SUGCT: variants seen among roughly 807,000 people sequenced by gnomAD.
SUGCT encodes succinyl-CoA:glutarate-CoA transferase, also known as succinyl-CoA:glutarate CoA-transferase.
A neutral mutation model predicts 55.0 loss-of-function variants in SUGCT; 41 were observed. The ratio of observed to expected loss-of-function variants is 0.74; its 90% CI spans 0.58 to 0.97. The LOEUF is 0.97. Among genes scored for constraint, SUGCT ranks in the 50% least tolerant of loss-of-function variants. The pLI, the probability that SUGCT is intolerant of heterozygous loss-of-function variation, is 0.00. For synonymous variants in SUGCT, 187 were observed against 200.4 expected, an observed-to-expected ratio of 0.93 and a Z score of 0.56; for missense variants, 568 against 547.8, an observed-to-expected ratio of 1.04 and a Z score of -0.37.
chr7:40,833,483 T>C (rs1792803626), intron 13 of SUGCT, among the ~76,000 whole-genome samples: 1 of 152,232 alleles, frequency 6.6e-6, no homozygotes, highest in African/African-American at 2.4e-5. Flanking sequence ...ATACACTTAT[T>C]AGTTAATTTG....
intron 7 of SUGCT, among the ~76,000 whole-genome samples, chr7:40,262,743 C>T (rs1352968525): frequency 2.0e-5 from 3 of 152,048 alleles, no homozygotes; most frequent in Non-Finnish European, 4.4e-5. Context: ...TTAACTCACA[C>T]ATTTAAAATT....
intron 4 of SUGCT, 62 bp downstream of exon 4, chr7:40,188,642 G>A: frequency 9.8e-7 from 1 of 1,019,740 alleles, no homozygotes; most frequent in Non-Finnish European, 1.4e-6. Flanking sequence ...CAAAACTGTT[G>A]ATATCATTGT....
At chr7:40,837,427 A>G (rs1372317908) in intron 13 of SUGCT, among the ~76,000 whole-genome samples, 1 of 152,104 alleles carries the variant, frequency 6.6e-6, no homozygotes, top group Non-Finnish European at 1.5e-5. Context: ...AATAGTTTCC[A>G]TTCTGATGAG....
intron 12 of SUGCT, among the ~76,000 whole-genome samples, chr7:40,623,077 C>T (rs1172720584): frequency 6.6e-6 from 1 of 152,156 alleles, no homozygotes; most frequent in Non-Finnish European, 1.5e-5. Context: ...CTCTCTGATG[C>T]TTGATAACAG....
intron 8 of SUGCT, among the ~76,000 whole-genome samples, chr7:40,292,084 A>G (rs935684335): frequency 2.0e-5 from 3 of 152,196 alleles, no homozygotes; most frequent in Non-Finnish European, 2.9e-5. Context: ...CGGGAAACCA[A>G]TTCACCACCT....
chr7:40,411,437 G>T (rs773833332), intron 9 of SUGCT, among the ~76,000 whole-genome samples: 42 of 152,130 alleles, frequency 2.8e-4, no homozygotes, highest in Non-Finnish European at 5.6e-4. Flanking sequence ...TTTGAGGAAA[G>T]AACAAATTAA....
chr7:40,635,592 G>A lies in SUGCT; in HGVS notation c.1090-113842G>A, dbSNP rs190571804. 1.6e-3 allele frequency among the ~76,000 whole-genome samples: 243 copies of A among 152,288 alleles called. 1 individual carries two copies. Among genetic ancestry groups the A allele is most frequent in the African/African-American group, 5.7e-3 (235 of 41,554 alleles). ...AAGAATCTCTATATAAACACATTGTGTTGAAGCTCCAAATAAGGGAATATT... is the reference window on the plus strand; with the variant it reads ...AAGAATCTCTATATAAACACATTGTATTGAAGCTCCAAATAAGGGAATATT... On this transcript the variant is annotated intron_variant, in intron 12 of 13. Transcript: ENST00000335693.
At chr7:40,748,581 ATTAG>A (rs1236664695) in intron 12 of SUGCT, among the ~76,000 whole-genome samples, 7 of 151,702 alleles carry the variant, frequency 4.6e-5, no homozygotes, top group African/African-American at 1.5e-4. Context: ...ATTTGAAGTT[ATTAG>A]TTATAGAGAA....
intron 11 of SUGCT, 94 bp from the exon 12 acceptor site, chr7:40,496,190 G>A: frequency 2.8e-6 from 2 of 726,858 alleles, no homozygotes; most frequent in Non-Finnish European, 4.7e-6. Context: ...ATAGTTTTAT[G>A]ACTATTGCTT....
the SUGCT span, among the ~76,000 whole-genome samples, chr7:41,027,245 G>A: frequency 1.3e-5 from 2 of 151,996 alleles, no homozygotes; most frequent in Admixed American, 1.3e-4. Context: ...CTTCCAAGAC[G>A]TCTTGGGAAA....
chr7:40,714,867 T>C lies in SUGCT; in HGVS notation c.1090-34567T>C, dbSNP rs190501925. 1.8e-3 allele frequency among the ~76,000 whole-genome samples: 272 copies of C among 152,322 alleles called. 1 individual carries two copies. Among genetic ancestry groups the C allele is most frequent in the Middle Eastern group, 6.8e-3 (2 of 294 alleles). On this transcript the variant is annotated intron_variant, in intron 12 of 13. Transcript: ENST00000335693. ...CTTGCACAGTTCCTAGCCATACTTT[T>C]CTCCTTCCGTGAAGGCAATTAATCA... is the stretch of plus-strand genomic sequence containing the variant.
intron 12 of SUGCT, among the ~76,000 whole-genome samples, chr7:40,697,468 C>T (rs1784983426): frequency 6.6e-6 from 1 of 152,076 alleles, no homozygotes; most frequent in Non-Finnish European, 1.5e-5. Flanking sequence ...AACCCCATCT[C>T]TACTAAAAAA....
At chr7:40,822,139 T>C (rs59027414) in intron 13 of SUGCT, among the ~76,000 whole-genome samples, 25,573 of 152,184 alleles carry the variant, frequency 0.17, 2,589 homozygotes, top group East Asian at 0.42. Flanking sequence ...CAGTTTGTTA[T>C]AATTTCTGTT....
intron 12 of SUGCT, among the ~76,000 whole-genome samples, chr7:40,624,772 AACACACAC>A (rs71791486): frequency 0.04 from 5,478 of 137,242 alleles, 95 homozygotes; most frequent in Middle Eastern, 0.081. Context: ...TTTCTGTGCA[AACACACAC>A]ACACACACAC....
chr7:40,325,904 TTTTTGTTTG>T lies in SUGCT; in HGVS notation c.816+9054_816+9062del, dbSNP rs1324461333. ...ATGCATCATGGATGTGCGTCTTTTT[TTTTTGTTTG>T]TTTTTGGCAGATTCTAGAATTCTTC... On this transcript the variant is annotated intron_variant, in intron 9 of 13. Coordinates refer to ENST00000335693, the MANE Select transcript of SUGCT (RefSeq NM_001193313.2). Among the ~76,000 whole-genome samples, 9 of 141,780 alleles carry T rather than the reference TTTTTGTTTG, an allele frequency of 6.3e-5. No individual in the cohort carries two copies. In the South Asian group the frequency reaches 7.2e-4, roughly 11 times the overall value. The allele number at this position is 141,780 out of a possible 152,430, so 93.0% of individuals were successfully genotyped here.
intron 9 of SUGCT, among the ~76,000 whole-genome samples, chr7:40,411,682 G>A (rs926620819): frequency 6.6e-6 from 1 of 152,128 alleles, no homozygotes; most frequent in Non-Finnish European, 1.5e-5. Flanking sequence ...TTAGATAGAA[G>A]AAGTTAAGAC....
intron 1 of SUGCT, among the ~76,000 whole-genome samples, chr7:40,155,248 G>T (rs1783828222): frequency 6.6e-6 from 1 of 150,826 alleles, no homozygotes; most frequent in African/African-American, 2.5e-5. Context: ...TTGCGCCACT[G>T]CACTCCAGCC....
At chr7:40,169,278 C>T (rs1392627740) in intron 1 of SUGCT, among the ~76,000 whole-genome samples, 1 of 152,098 alleles carries the variant, frequency 6.6e-6, no homozygotes, top group Admixed American at 6.5e-5. Context: ...AACTTAGTGG[C>T]TGGGAGAAGT....
At chr7:40,626,266 T>C (rs916101306) in intron 12 of SUGCT, among the ~76,000 whole-genome samples, 3 of 152,080 alleles carry the variant, frequency 2.0e-5, no homozygotes, top group African/African-American at 7.2e-5. Context: ...TTTCTCTCTT[T>C]TTTTTTTGGA....
Sources: gnomAD v4.1 joint callset for allele counts (sites outside exome capture counted in the v4.1 genomes callset) on GRCh38, gnomAD v4.1.1 for gene constraint, MANE v1.5 for transcripts, NCBI Gene and HGNC (gene_info 2026-07-23, HGNC 2026-07-21) for gene names.